The following LYST variants were observed in gnomAD, a reference collection of about 807,000 sequenced individuals.
The protein encoded by LYST is lysosomal trafficking regulator.
A neutral mutation model predicts 413.6 loss-of-function variants in LYST; 192 were observed. That is an observed-to-expected ratio of 0.46 (90% CI 0.41 to 0.52). LYST has a LOEUF of 0.52. LYST is among the 20% of genes least tolerant of loss of function. LYST has a pLI of 0.00. For missense variants in LYST, 3,815 were observed against 4,499.9 expected (o/e 0.85, Z 4.35); for synonymous variants, 1,525 against 1,567.3 (o/e 0.97, Z 0.64).
At chr1:235,719,802 G>A (rs1374165870) in intron 40 of LYST, among the ~76,000 whole-genome samples, 1 of 152,110 alleles carries the variant, frequency 6.6e-6, no homozygotes, top group Non-Finnish European at 1.5e-5. Context: ...AATACAGAAT[G>A]TGAAGCCTCC....
At chr1:235,864,581 C>A (rs1402227012) in intron 1 of LYST, among the ~76,000 whole-genome samples, 2 of 152,152 alleles carry the variant, frequency 1.3e-5, no homozygotes, top group African/African-American at 4.8e-5. Flanking sequence ...CCTGCTCAAC[C>A]CTTCCCCTAC....
Position 235,773,887 on chromosome 1 carries a change from C to T in LYST, c.5739G>A (p.Leu1913=). The part of the protein sequence containing the change: ...DSNAIIQDVK[L]LEELLLDWKI... ...TCCAGTCAAGCAATAGTTCCTCTAA[C>T]AGCTTAACATCTTGGATTATAGCAT... Residue 1913 remains leucine, a synonymous_variant, in exon 19 of 53, where the codon CTG becomes CTA. Coordinates refer to ENST00000389793, the MANE Select transcript of LYST (RefSeq NM_000081.4). 1 of 1,611,160 alleles carries T rather than the reference C, an allele frequency of 6.2e-7. No individual in the cohort carries two copies. The highest frequency in any genetic ancestry group is 8.5e-7 in the Non-Finnish European group (1 of 1,177,444).
intron 21 of LYST, 115 bp from the exon 22 acceptor site, chr1:235,762,966 A>C (rs534503813): frequency 2.7e-5 from 21 of 766,350 alleles, no homozygotes; most frequent in South Asian, 2.7e-4. Flanking sequence ...TTTAAAGAGA[A>C]AAATATATAG....
intron 40 of LYST, among the ~76,000 whole-genome samples, chr1:235,718,606 GGCACTTACA>G (rs1197189052): frequency 6.6e-6 from 1 of 151,998 alleles, no homozygotes; most frequent in Non-Finnish European, 1.5e-5. Flanking sequence ...CCCACTCTTT[GGCACTTACA>G]GCTGAAATAC....
At chr1:235,784,726 A>G (rs971483808) in intron 14 of LYST, among the ~76,000 whole-genome samples, 1 of 152,330 alleles carries the variant, frequency 6.6e-6, no homozygotes, top group Admixed American at 6.5e-5. Flanking sequence ...GCACATATTG[A>G]GAGCTCAAGA....
chr1:235,705,775 T>C (rs1205382900), intron 44 of LYST, among the ~76,000 whole-genome samples: 2 of 152,014 alleles, frequency 1.3e-5, no homozygotes, highest in Admixed American at 6.6e-5. Context: ...AAGTTAATGT[T>C]AAGATTCCTA....
chr1:235,823,496 T>C (rs1675003507), intron 3 of LYST, among the ~76,000 whole-genome samples: 1 of 152,262 alleles, frequency 6.6e-6, no homozygotes, highest in Admixed American at 6.5e-5. Context: ...TCTCATTGCC[T>C]ATTCCCTTGC....
Position 235,744,141 on chromosome 1 carries a change from A to T in LYST, c.7989T>A (p.Ile2663=). The change falls in exon 30 of 53, where the codon ATT becomes ATA. Residue 2663 remains isoleucine (I), a synonymous_variant. Coordinates refer to ENST00000389793, the MANE Select transcript of LYST (RefSeq NM_000081.4). ...RIIYQEFNSD[I]IDILRTPENV... is the part of the protein sequence containing the mutation. The stretch of plus-strand genomic sequence containing the variant: ...TTTCTGGAGTTCTCAAAATGTCAAT[A>T]ATGTCTGAATTAAATTCTTTGAATT... 1.3e-6 allele frequency: 2 copies of T among 1,579,374 alleles called. No homozygotes were observed. Among genetic ancestry groups the T allele is most frequent in the Non-Finnish European group, 1.7e-6 (2 of 1,148,790 alleles).
chr1:235,746,328 A>G lies in LYST; in HGVS notation c.7972+8T>C, dbSNP rs1413601385. The G allele has an allele frequency of 6.2e-7, 1 of 1,610,546 alleles. No individual in the cohort carries two copies. The highest frequency in any genetic ancestry group is 1.3e-5 in the African/African-American group (1 of 74,920). ...CTGAGGAAAAACAAACTAATCCTAT[A>G]GTCTTACCTTGATAAATAATCCTGT... On this transcript the variant is annotated splice_region_variant and intron_variant, in intron 29 of 52. Transcript: ENST00000389793.
Position 235,709,075 on chromosome 1 carries a change from TAA to T in LYST, c.10143+14_10143+15del, listed in dbSNP as rs148078167. On this transcript the variant is annotated intron_variant, in intron 44 of 52. Transcript: ENST00000389793. ...TATCTTATATAAATACAGATTGTTT[TAA>T]AAGAGTCACTTACAGCAGGATGAAA... The T allele has an allele frequency of 2.5e-6, 4 of 1,609,200 alleles. No homozygotes were observed. In the Admixed American group the frequency reaches 6.7e-5, roughly 27 times the overall value.
intron 3 of LYST, among the ~76,000 whole-genome samples, chr1:235,822,795 G>GT (rs1227970173): frequency 6.6e-6 from 1 of 152,174 alleles, no homozygotes; most frequent in Non-Finnish European, 1.5e-5. Context: ...TCAACATGTT[G>GT]TTATGTGACT....
At chr1:235,737,863 T>C in intron 31 of LYST, 1 of 1,069,788 alleles carries the variant, frequency 9.3e-7, no homozygotes, top group Non-Finnish European at 1.1e-6. Context: ...ATCCTGCTTT[T>C]CCTTGACTGA....
At chr1:235,868,987 T>G (rs12046961), upstream of LYST, among the ~76,000 whole-genome samples, 124,426 of 152,012 alleles carry the variant, frequency 0.82, 51,410 homozygotes, top group African/African-American at 0.95. Context: ...GAGACACCGC[T>G]CCTGGCCTCG....
chr1:235,728,874 A>T (rs1445696868), intron 37 of LYST, among the ~76,000 whole-genome samples: 1 of 152,132 alleles, frequency 6.6e-6, no homozygotes, highest in Non-Finnish European at 1.5e-5. Flanking sequence ...TTCATTCTCG[A>T]ATTTGAAGGT....
At chr1:235,668,932 G>A (rs1401911188) in intron 50 of LYST, among the ~76,000 whole-genome samples, 1 of 152,042 alleles carries the variant, frequency 6.6e-6, no homozygotes, top group African/African-American at 2.4e-5. Flanking sequence ...TACAACTGGG[G>A]GCTAAGACTA....
Position 235,753,050 on chromosome 1 carries a change from T to C in LYST, c.7454A>G (p.Glu2485Gly). The change falls in exon 26 of 53, where the codon GAA becomes GGA. Residue 2485 changes from glutamate to glycine, a missense_variant. By Grantham distance (98) the Glu-to-Gly change is moderately conservative (BLOSUM62 -2). Around this residue, in one of 4 missense-constraint regions of LYST, gnomAD observed 771 missense variants for 837.1 expected, o/e 0.92. Transcript: ENST00000389793. ...CNTVAALNGL[E>G]KNIPMSEYKL... Reference sequence around the variant, plus strand: ...ATAATAATTTTAAACTTACTTCTTTTCTAATCCATTCAGGGCTGCTACTGT... The same window carrying C: ...ATAATAATTTTAAACTTACTTCTTTCCTAATCCATTCAGGGCTGCTACTGT... 1 of 1,499,118 alleles carries C rather than the reference T, an allele frequency of 6.7e-7. No homozygotes were observed. Among genetic ancestry groups the C allele is most frequent in the Admixed American group, 1.7e-5 (1 of 59,744 alleles). The allele number at this position is 1,499,118 out of a possible 1,614,324, so 92.9% of individuals were successfully genotyped here.
At chr1:235,665,010 T>G (rs1258587022) in intron 50 of LYST, among the ~76,000 whole-genome samples, 1 of 152,128 alleles carries the variant, frequency 6.6e-6, no homozygotes, top group Admixed American at 6.5e-5. Context: ...GCTAGGCTAG[T>G]CTTGAACTCC....
intron 21 of LYST, among the ~76,000 whole-genome samples, chr1:235,764,495 CTT>C (rs1020736833): frequency 1.0e-5 from 1 of 97,946 alleles, no homozygotes; most frequent in Non-Finnish European, 2.1e-5. Flanking sequence ...TTTTTCTTTT[CTT>C]TTTTTTTTTT....
At chr1:235,831,520 A>C (rs1675978087) in intron 2 of LYST, among the ~76,000 whole-genome samples, 1 of 152,216 alleles carries the variant, frequency 6.6e-6, no homozygotes, top group Non-Finnish European at 1.5e-5. Context: ...ACCAGGTAAA[A>C]ATGAACCAAC....
Sources: allele counts gnomAD v4.1 joint callset (sites outside exome capture counted in the v4.1 genomes callset), GRCh38; gene constraint gnomAD v4.1.1; regional missense constraint gnomAD v4.1.1; transcripts MANE v1.5; gene names NCBI Gene and HGNC (gene_info 2026-07-23, HGNC 2026-07-21).